The following TNIK variants were observed in gnomAD, a reference collection of about 807,000 sequenced individuals.
The protein encoded by TNIK is TRAF2 and NCK interacting kinase, also known as TRAF2 and NCK-interacting protein kinase.
In TNIK, 49 loss-of-function variants were observed where a neutral mutation model predicts 191.3. The ratio of observed to expected loss-of-function variants is 0.26; its 90% confidence interval spans 0.20 to 0.32. TNIK has a LOEUF of 0.32. Among genes scored for constraint, TNIK ranks in the 10% least tolerant of loss-of-function variants. TNIK has a pLI of 1.00. For missense variants in TNIK, 1,155 were observed against 1,702.3 expected, an observed-to-expected ratio of 0.68 and a Z score of 5.66; for synonymous variants, 594 against 600.9, an observed-to-expected ratio of 0.99 and a Z score of 0.17.
chr3:171,399,207 A>G (rs181554569), intron 1 of TNIK, among the ~76,000 whole-genome samples: 3 of 152,226 alleles, frequency 2.0e-5, no homozygotes, highest in Admixed American at 1.3e-4. Context: ...TATGTGCTCA[A>G]TTTCACCTGT....
intron 1 of TNIK, among the ~76,000 whole-genome samples, chr3:171,443,773 A>C (rs1727134407): frequency 6.6e-6 from 1 of 152,148 alleles, no homozygotes; most frequent in Admixed American, 6.5e-5. Flanking sequence ...ACAGTGAGCC[A>C]TGATTGAGCC....
intron 19 of TNIK, among the ~76,000 whole-genome samples, chr3:171,109,617 A>G (rs1430570931): frequency 2.6e-5 from 4 of 152,392 alleles, no homozygotes; most frequent in African/African-American, 9.6e-5. Flanking sequence ...GAAGGTTCTC[A>G]TGAGGCTTTC....
At chr3:171,408,721 A>C (rs1229979442) in intron 1 of TNIK, among the ~76,000 whole-genome samples, 1 of 152,174 alleles carries the variant, frequency 6.6e-6, no homozygotes, top group African/African-American at 2.4e-5. Flanking sequence ...CCAGACATAC[A>C]ACACAAACCA....
chr3:171,117,131 AGTAAATATCGCAACATAAGG>A (rs1192762007), intron 18 of TNIK, among the ~76,000 whole-genome samples: 2 of 152,234 alleles, frequency 1.3e-5, no homozygotes, highest in African/African-American at 2.4e-5. Context: ...TCGAAAAGGT[AGTAAATATCGCAACATAAGG>A]GTAAATAACA....
intron 1 of TNIK, among the ~76,000 whole-genome samples, chr3:171,419,796 C>G (rs1723535864): frequency 6.6e-6 from 1 of 151,844 alleles, no homozygotes; most frequent in African/African-American, 2.4e-5. Flanking sequence ...ATATTATTAG[C>G]ATTTCATCAG....
chr3:171,414,728 G>A (rs1722837882), intron 1 of TNIK, among the ~76,000 whole-genome samples: 1 of 152,168 alleles, frequency 6.6e-6, no homozygotes, highest in Admixed American at 6.5e-5. Context: ...ATACCCAGCT[G>A]GAAAGTGTGT....
intron 9 of TNIK, 95 bp from the exon 10 acceptor site, chr3:171,167,365 A>C: frequency 6.8e-7 from 1 of 1,468,684 alleles, no homozygotes; most frequent in Non-Finnish European, 9.1e-7. Context: ...TTCTTTTTTT[A>C]AGGTCCAATT....
intron 1 of TNIK, among the ~76,000 whole-genome samples, chr3:171,385,582 C>T (rs1718619616): frequency 6.6e-6 from 1 of 152,114 alleles, no homozygotes; most frequent in South Asian, 2.1e-4. Flanking sequence ...CAAACTGACA[C>T]AGTCAAGCGG....
intron 1 of TNIK, among the ~76,000 whole-genome samples, chr3:171,416,230 G>A (rs1723069806): frequency 6.6e-6 from 1 of 151,948 alleles, no homozygotes; most frequent in African/African-American, 2.4e-5. Flanking sequence ...GGCAACTGAG[G>A]GAATAACAAC....
At chr3:171,453,025 G>A (rs1728374482) in intron 1 of TNIK, among the ~76,000 whole-genome samples, 1 of 152,122 alleles carries the variant, frequency 6.6e-6, no homozygotes, top group Admixed American at 6.6e-5. Flanking sequence ...CATGATCCCT[G>A]AAATTGTGCC....
chr3:171,157,327 GC>G, intron 12 of TNIK, 132 bp downstream of exon 12: 1 of 1,099,570 alleles, frequency 9.1e-7, no homozygotes, highest in South Asian at 1.6e-5. Flanking sequence ...GGACTTATCT[GC>G]CCTTGCAGTC....
intron 2 of TNIK, among the ~76,000 whole-genome samples, chr3:171,349,298 C>A (rs1001624197): frequency 2.0e-5 from 3 of 152,176 alleles, no homozygotes; most frequent in African/African-American, 7.2e-5. Context: ...GTGGTTCACA[C>A]TGGCAAGAGA....
chr3:171,071,704 A>G (rs1170264203), intron 28 of TNIK, among the ~76,000 whole-genome samples: 1 of 152,140 alleles, frequency 6.6e-6, no homozygotes, highest in Non-Finnish European at 1.5e-5. Context: ...GAGAGCAGAT[A>G]TGGCAAGATG....
chr3:171,196,966 G>A (rs566279534), intron 4 of TNIK, among the ~76,000 whole-genome samples: 77 of 152,166 alleles, frequency 5.1e-4, no homozygotes, highest in African/African-American at 1.4e-3. Flanking sequence ...CATGTTAGCC[G>A]GGATGGTCTC....
intron 12 of TNIK, among the ~76,000 whole-genome samples, chr3:171,146,821 C>T (rs563852037): frequency 3.2e-4 from 46 of 144,236 alleles, no homozygotes; most frequent in Non-Finnish European, 5.8e-4. Flanking sequence ...ACCCAGGAGG[C>T]GGAGGTTGCA....
At chr3:171,196,534 A>G (rs1435763882) in intron 4 of TNIK, among the ~76,000 whole-genome samples, 1 of 152,198 alleles carries the variant, frequency 6.6e-6, no homozygotes, top group Non-Finnish European at 1.5e-5. Flanking sequence ...AACAAAATCT[A>G]GACCAGGATA....
intron 18 of TNIK, among the ~76,000 whole-genome samples, chr3:171,111,276 A>G (rs558691152): frequency 6.6e-6 from 1 of 152,192 alleles, no homozygotes; most frequent in East Asian, 1.9e-4. Flanking sequence ...TTAGCTGGGC[A>G]TAGTGGCATG....
chr3:171,142,612 G>A (rs1048367906), intron 12 of TNIK, among the ~76,000 whole-genome samples: 1 of 152,162 alleles, frequency 6.6e-6, no homozygotes, highest in Non-Finnish European at 1.5e-5. Context: ...GAGTGGGGTG[G>A]GTACCAGCAT....
intron 15 of TNIK, among the ~76,000 whole-genome samples, chr3:171,135,764 C>A (rs998073055): frequency 1.3e-5 from 2 of 152,184 alleles, no homozygotes. Context: ...CTTGATGACT[C>A]AGGCATGTTG....
Sources: gnomAD v4.1 joint callset for allele counts (sites outside exome capture counted in the v4.1 genomes callset) on GRCh38, gnomAD v4.1.1 for gene constraint, MANE v1.5 for transcripts, NCBI Gene and HGNC (gene_info 2026-07-23, HGNC 2026-07-21) for gene names.